The following BCAS4 variants were observed in gnomAD, a reference collection of about 807,000 sequenced individuals.
BCAS4 encodes breast carcinoma amplified sequence 4.
BCAS4 carries 9 observed loss-of-function variants against 15.7 expected under a neutral mutation model. The ratio of observed to expected loss-of-function variants is 0.57; its 90% confidence interval spans 0.34 to 1.00. The LOEUF (loss-of-function observed/expected upper bound fraction) is 1.00, where lower values mean the gene tolerates loss of function less well. Ranked by LOEUF, BCAS4 falls within the 50% of genes least tolerant of loss-of-function variation. The pLI is 0.02. For synonymous variants in BCAS4, 101 were observed against 99.5 expected (o/e 1.02, Z -0.09); for missense variants, 225 against 239.1 (o/e 0.94, Z 0.39).
intron 1 of BCAS4, among the ~76,000 whole-genome samples, chr20:50,799,697 G>T (rs1008357200): frequency 3.3e-5 from 5 of 152,174 alleles, no homozygotes; most frequent in African/African-American, 1.2e-4. Flanking sequence ...GTCTTTCCTG[G>T]AGCTGGGGAC....
intron 3 of BCAS4, among the ~76,000 whole-genome samples, chr20:50,838,507 C>T (rs565556657): frequency 1.3e-5 from 2 of 152,178 alleles, no homozygotes; most frequent in African/African-American, 2.4e-5. Flanking sequence ...ATCGGGAGTT[C>T]GAGGCCAGCC....
chr20:50,857,118 C>T (rs1334002748), intron 4 of BCAS4, among the ~76,000 whole-genome samples: 1 of 152,206 alleles, frequency 6.6e-6, no homozygotes, highest in Non-Finnish European at 1.5e-5. Context: ...TGAGCCTTCA[C>T]TCATTGAGCA....
intron 3 of BCAS4, among the ~76,000 whole-genome samples, chr20:50,831,873 G>A (rs1269627492): frequency 6.6e-6 from 1 of 152,220 alleles, no homozygotes; most frequent in African/African-American, 2.4e-5. Flanking sequence ...GTGGCTGTCA[G>A]CACCGAGGTA....
intron 1 of BCAS4, among the ~76,000 whole-genome samples, chr20:50,799,207 G>C (rs1056052804): frequency 1.2e-4 from 19 of 152,166 alleles, no homozygotes; most frequent in African/African-American, 4.6e-4. Flanking sequence ...ATTAGGAATA[G>C]TCTTTAAGAG....
intron 4 of BCAS4, among the ~76,000 whole-genome samples, chr20:50,863,248 CTTTTTTT>C (rs1054175958): frequency 4.6e-5 from 4 of 86,096 alleles, no homozygotes; most frequent in Non-Finnish European, 4.4e-5. Context: ...CTAACTGGTG[CTTTTTTT>C]TTTTTTTTTT....
chr20:50,799,664 C>A, intron 1 of BCAS4, among the ~76,000 whole-genome samples: 1 of 152,202 alleles, frequency 6.6e-6, no homozygotes, highest in East Asian at 1.9e-4. Flanking sequence ...TCATTCAGCA[C>A]CTTCAGCCTC....
At chr20:50,837,984 G>A (rs111818602) in intron 3 of BCAS4, among the ~76,000 whole-genome samples, 3 of 129,204 alleles carry the variant, frequency 2.3e-5, no homozygotes, top group South Asian at 2.9e-4. Context: ...ACACACACAC[G>A]CACACATCTG....
At chr20:50,830,141 T>G in intron 2 of BCAS4, 138 bp from the exon 3 acceptor site, 1 of 674,978 alleles carries the variant, frequency 1.5e-6, no homozygotes, top group Non-Finnish European at 2.6e-6. Context: ...GAGTTGTTCT[T>G]GGGCCTGTAT....
chr20:50,864,498 G>A (rs1979256896), intron 4 of BCAS4, among the ~76,000 whole-genome samples: 2 of 149,160 alleles, frequency 1.3e-5, no homozygotes, highest in East Asian at 4.0e-4. Flanking sequence ...GAGTGCAGTG[G>A]TGTGATCTCA....
intron 1 of BCAS4, among the ~76,000 whole-genome samples, chr20:50,798,140 A>C: frequency 6.6e-6 from 1 of 151,860 alleles, no homozygotes; most frequent in Non-Finnish European, 1.5e-5. Context: ...TACTAAACAT[A>C]CAAAAATTAG....
rs77134886 is a variant in BCAS4 at position 50,853,079 on chromosome 20, A to G, written c.399+11179A>G. Among the ~76,000 whole-genome samples, 95 of 151,158 alleles carry G rather than the reference A, an allele frequency of 6.3e-4. 1 individual carries two copies. The East Asian group carries it at 0.017, about 28-fold the overall frequency. On this transcript the variant is annotated intron_variant, in intron 4 of 4. Coordinates refer to ENST00000371608, the MANE Select transcript of BCAS4 (RefSeq NM_198799.4). ...CACTCCTACTTTTTGAGCCAAACAC[A>G]TGATGTTTTCTTAGTCTTATATGAA...
At chr20:50,859,337 T>C (rs1424659061) in intron 4 of BCAS4, among the ~76,000 whole-genome samples, 1 of 152,198 alleles carries the variant, frequency 6.6e-6, no homozygotes, top group East Asian at 1.9e-4. Context: ...GAACCACCTG[T>C]GTGAGCTAGG....
At chr20:50,803,033 T>C (rs1447669340) in intron 1 of BCAS4, among the ~76,000 whole-genome samples, 1 of 152,080 alleles carries the variant, frequency 6.6e-6, no homozygotes, top group African/African-American at 2.4e-5. Flanking sequence ...ATACAAAAAT[T>C]AGCCAGCTGT....
chr20:50,812,409 C>T (rs547039787), intron 1 of BCAS4, among the ~76,000 whole-genome samples: 1 of 149,024 alleles, frequency 6.7e-6, no homozygotes, highest in Non-Finnish European at 1.5e-5. Flanking sequence ...ACTGGGATTA[C>T]AGGCGTGAGC....
At chr20:50,840,786 CG>C in intron 3 of BCAS4, 5 of 1,473,214 alleles carry the variant, frequency 3.4e-6, no homozygotes, top group South Asian at 1.1e-5. Flanking sequence ...CACGCGAGAA[CG>C]AGCGAAGTCT....
At chr20:50,850,192 G>A (rs1978336961) in intron 4 of BCAS4, among the ~76,000 whole-genome samples, 1 of 152,196 alleles carries the variant, frequency 6.6e-6, no homozygotes, top group South Asian at 2.1e-4. Context: ...GTTATATTGA[G>A]CCCCTACTGT....
At chr20:50,794,921 G>A (rs1314797739), upstream of BCAS4, 9 of 1,063,204 alleles carry the variant, frequency 8.5e-6, no homozygotes, top group Non-Finnish European at 3.5e-6. Context: ...CGCTCGGCCC[G>A]GCGCTCCTGG....
Position 50,876,467 on chromosome 20 carries a change from T to C in BCAS4, c.400-19T>C, listed in dbSNP as rs6020820. The C allele has an allele frequency of 0.026, 41,856 of 1,610,324 alleles. 4,227 individuals are homozygous for C. The African/African-American group carries it at 0.3, about 11-fold the overall frequency. On this transcript the variant is annotated intron_variant, in intron 4 of 4. Coordinates refer to ENST00000371608, the MANE Select transcript of BCAS4 (RefSeq NM_198799.4). ...GTGGATCCAAATCGCTGATAGAGCT[T>C]CATTTCTTGTCATTCCAGAAGTCAC...
intron 3 of BCAS4, among the ~76,000 whole-genome samples, chr20:50,835,953 T>C (rs1340859405): frequency 6.6e-6 from 1 of 151,906 alleles, no homozygotes; most frequent in Non-Finnish European, 1.5e-5. Flanking sequence ...AGTATCGCTC[T>C]GTCGCCCAGG....
Sources: gnomAD v4.1 joint callset for allele counts (sites outside exome capture counted in the v4.1 genomes callset) on GRCh38, gnomAD v4.1.1 for gene constraint, MANE v1.5 for transcripts, NCBI Gene and HGNC (gene_info 2026-07-23, HGNC 2026-07-21) for gene names.